C1QTNF3: variants seen among roughly 807,000 people sequenced by gnomAD.
C1QTNF3 encodes the protein complement C1q tumor necrosis factor-related protein 3.
C1QTNF3 carries 26 observed loss-of-function variants against 32.6 expected under a neutral mutation model. The observed-to-expected ratio is 0.80, with a 90% CI of 0.58 to 1.11. The LOEUF is 1.11. Ranked by LOEUF, C1QTNF3 falls within the 50% of genes least tolerant of loss-of-function variation. C1QTNF3 has a pLI of 0.00. For synonymous variants in C1QTNF3, 155 were observed against 146.0 expected, an observed-to-expected ratio of 1.06 and a Z score of -0.44; for missense variants, 362 against 398.2, an observed-to-expected ratio of 0.91 and a Z score of 0.77.
At chr5:34,053,058 A>G in the C1QTNF3 span, among the ~76,000 whole-genome samples, 1 of 152,244 alleles carries the variant, frequency 6.6e-6, no homozygotes, top group East Asian at 1.9e-4. Flanking sequence ...AAATAAGGCC[A>G]GATTTCTATA....
At chr5:34,024,200 A>G (rs1199062072) in intron 4 of C1QTNF3, 192 bp from the exon 5 acceptor site, 1 of 553,868 alleles carries the variant, frequency 1.8e-6, no homozygotes, top group Non-Finnish European at 3.3e-6. Flanking sequence ...TTCAATGTGT[A>G]CACTGTGTAT....
chr5:34,169,972 A>G, the C1QTNF3 span, among the ~76,000 whole-genome samples: 4 of 152,332 alleles, frequency 2.6e-5, no homozygotes, highest in Admixed American at 1.3e-4. Context: ...TTGTAGAGAT[A>G]TCAGCACTCT....
At chr5:34,154,025 T>A in the C1QTNF3 span, among the ~76,000 whole-genome samples, 1 of 97,876 alleles carries the variant, frequency 1.0e-5, no homozygotes, top group African/African-American at 4.0e-5. Context: ...TTATTAAACC[T>A]GCAAAATAAA....
the C1QTNF3 span, among the ~76,000 whole-genome samples, chr5:34,237,957 G>A: frequency 2.0e-5 from 3 of 152,180 alleles, no homozygotes; most frequent in African/African-American, 7.2e-5. Context: ...CTGGGTATTA[G>A]GCTAGCCACT....
At chr5:34,132,576 T>C in the C1QTNF3 span, among the ~76,000 whole-genome samples, 1 of 151,878 alleles carries the variant, frequency 6.6e-6, no homozygotes, top group Admixed American at 6.6e-5. Flanking sequence ...GTTTGGGACA[T>C]AAATGCCTGT....
chr5:34,083,180 A>G, the C1QTNF3 span, among the ~76,000 whole-genome samples: 8 of 151,278 alleles, frequency 5.3e-5, no homozygotes, highest in Non-Finnish European at 1.0e-4. Context: ...AAAAGAGTGG[A>G]TCTCCAATAT....
the C1QTNF3 span, among the ~76,000 whole-genome samples, chr5:34,108,004 T>G: frequency 1.3e-5 from 2 of 151,954 alleles, no homozygotes; most frequent in Non-Finnish European, 2.9e-5. Context: ...TAGAGGCCAA[T>G]GCGAACCTAC....
chr5:34,181,442 T>C, the C1QTNF3 span, among the ~76,000 whole-genome samples: 1 of 152,296 alleles, frequency 6.6e-6, no homozygotes, highest in African/African-American at 2.4e-5. Context: ...CACACCCCTA[T>C]TCCCCCGAGC....
the C1QTNF3 span, among the ~76,000 whole-genome samples, chr5:34,065,468 C>T: frequency 6.6e-6 from 1 of 152,060 alleles, no homozygotes; most frequent in Admixed American, 6.6e-5. Flanking sequence ...GAGTTTGAAA[C>T]CAGCTTTGAC....
chr5:34,154,581 T>G, the C1QTNF3 span, among the ~76,000 whole-genome samples: 1 of 152,184 alleles, frequency 6.6e-6, no homozygotes, highest in Non-Finnish European at 1.5e-5. Context: ...GAGAACTAGT[T>G]TTCAGTCAAA....
the C1QTNF3 span, among the ~76,000 whole-genome samples, chr5:34,063,272 CTT>C: frequency 1.3e-4 from 19 of 144,240 alleles, no homozygotes; most frequent in Admixed American, 1.3e-3. Flanking sequence ...GACTTTCTGC[CTT>C]TCTCTCTCTC....
chr5:34,056,475 TATATAGAGAGAGAGAGAGAGAGAG>T, the C1QTNF3 span, among the ~76,000 whole-genome samples: 29 of 101,280 alleles, frequency 2.9e-4, no homozygotes, highest in African/African-American at 1.1e-3. Context: ...TATATATATA[TATATAGAGAGAGAGAGAGAGAGAG>T]AGAGAGAGAG....
the C1QTNF3 span, among the ~76,000 whole-genome samples, chr5:34,238,199 G>A: frequency 7.2e-5 from 11 of 152,036 alleles, no homozygotes; most frequent in Admixed American, 1.3e-4. Flanking sequence ...GAAAAAATCA[G>A]TGCAAGAACT....
the C1QTNF3 span, among the ~76,000 whole-genome samples, chr5:34,081,026 G>C: frequency 2.0e-5 from 3 of 151,684 alleles, 1 homozygote; most frequent in African/African-American, 7.3e-5. Flanking sequence ...TTTCCCTGGG[G>C]TCAAATCCTC....
chr5:34,175,548 G>C, the C1QTNF3 span: 1 of 329,410 alleles, frequency 3.0e-6, no homozygotes, highest in African/African-American at 2.1e-5. Flanking sequence ...CTATGAAATA[G>C]ACAAGAAAAA....
At chr5:34,048,638 T>G in the C1QTNF3 span, among the ~76,000 whole-genome samples, 2 of 148,492 alleles carry the variant, frequency 1.3e-5, no homozygotes, top group African/African-American at 5.0e-5. Flanking sequence ...TGGAACCAAC[T>G]ATAGCTACCA....
chr5:34,023,780 T>C, intron 5 of C1QTNF3, 129 bp downstream of exon 5: 2 of 609,720 alleles, frequency 3.3e-6, no homozygotes, highest in Non-Finnish European at 5.8e-6. Context: ...TACTGGTGCA[T>C]GAGGGCTCTT....
At chr5:34,098,703 C>T in the C1QTNF3 span, among the ~76,000 whole-genome samples, 1 of 151,916 alleles carries the variant, frequency 6.6e-6, no homozygotes, top group African/African-American at 2.4e-5. Context: ...AGTCTATCCA[C>T]ATCTGACAGT....
In C1QTNF3 at chr5:34,020,327, TTTA is replaced by T; in HGVS notation, c.*253_*255del. The T allele has an allele frequency of 8.3e-6, 3 of 360,692 alleles. No homozygotes were observed. In the Admixed American group the frequency reaches 1.3e-4, roughly 15 times the overall value. 22.3% of individuals were successfully genotyped at this position (360,692 alleles called of 1,614,324 possible). A position where few individuals can be genotyped will look rare whatever the true frequency, so the allele number is the denominator to read the frequency against. ...AACCTGCGTCAGAGGAGAATTATCTTTTAGGTGCCAAGGAAAGAGTGATAAAGA... is the reference window on the plus strand; with the variant it reads ...AACCTGCGTCAGAGGAGAATTATCTTGGTGCCAAGGAAAGAGTGATAAAGA... On this transcript the variant is annotated 3_prime_UTR_variant, in exon 6 of 6. Coordinates refer to ENST00000382065, the MANE Select transcript of C1QTNF3 (RefSeq NM_181435.6).
Sources: gnomAD v4.1 joint callset for allele counts (sites outside exome capture counted in the v4.1 genomes callset) on GRCh38, gnomAD v4.1.1 for gene constraint, MANE v1.5 for transcripts, NCBI Gene and HGNC (gene_info 2026-07-23, HGNC 2026-07-21) for gene names.